ARHGAP31: variants seen among roughly 807,000 people sequenced by gnomAD.
ARHGAP31 encodes the protein Rho GTPase activating protein 31.
Under a neutral mutation model 113.9 loss-of-function variants are expected in ARHGAP31, and 34 were observed. That is an observed-to-expected ratio of 0.30 (90% CI 0.23 to 0.40). The LOEUF is 0.40. Ranked by LOEUF, ARHGAP31 falls within the 10% of genes least tolerant of loss-of-function variation. The pLI, the probability that ARHGAP31 is intolerant of heterozygous loss-of-function variation, is 1.00. For synonymous variants in ARHGAP31, 650 were observed against 684.8 expected, an observed-to-expected ratio of 0.95 and a Z score of 0.79; for missense variants, 1,548 against 1,767.1, an observed-to-expected ratio of 0.88 and a Z score of 2.22.
At chr3:119,336,240 A>C (rs1243749899) in intron 1 of ARHGAP31, among the ~76,000 whole-genome samples, 1 of 152,220 alleles carries the variant, frequency 6.6e-6, no homozygotes, top group Non-Finnish European at 1.5e-5. Context: ...TTTAACTATA[A>C]AAGGTTTTAT....
At chr3:119,397,136 T>G (rs2080559701) in intron 8 of ARHGAP31, among the ~76,000 whole-genome samples, 1 of 152,082 alleles carries the variant, frequency 6.6e-6, no homozygotes, top group Non-Finnish European at 1.5e-5. Flanking sequence ...ACATGTAATA[T>G]AAATATAGTC....
At chr3:119,304,277 G>A (rs2079611299) in intron 1 of ARHGAP31, among the ~76,000 whole-genome samples, 1 of 152,162 alleles carries the variant, frequency 6.6e-6, no homozygotes, top group African/African-American at 2.4e-5. Flanking sequence ...AATGGAATGA[G>A]GGCTGTAGAG....
intron 10 of ARHGAP31, among the ~76,000 whole-genome samples, chr3:119,403,957 A>G (rs1194939650): frequency 6.6e-6 from 1 of 152,154 alleles, no homozygotes; most frequent in Admixed American, 6.5e-5. Context: ...ATGTCCATAA[A>G]ATACCTGTCC....
chr3:119,310,152 A>T (rs1384170597), intron 1 of ARHGAP31, among the ~76,000 whole-genome samples: 1 of 152,200 alleles, frequency 6.6e-6, no homozygotes, highest in Non-Finnish European at 1.5e-5. Flanking sequence ...TCACAGGAGA[A>T]GCAGCTAGAG....
rs773793308 is a variant in ARHGAP31 at position 119,383,235 on chromosome 3, T to C, written c.682+9T>C. On this transcript the variant is annotated intron_variant, in intron 6 of 11. Coordinates refer to ENST00000264245, the MANE Select transcript of ARHGAP31 (RefSeq NM_020754.4). ...GTCTCTGGAGAATGATGGTAAGGAC[T>C]CCTCCTAGCATACACTCCACCAGCT... The C allele has an allele frequency of 6.2e-7, 1 of 1,614,030 alleles. No individual in the cohort carries two copies. Among genetic ancestry groups the C allele is most frequent in the Admixed American group, 1.7e-5 (1 of 60,022 alleles).
rs2080026780 is a variant in ARHGAP31, at chr3:119,343,377, G to A, written c.101-21939G>A. 2.0e-5 allele frequency among the ~76,000 whole-genome samples: 3 copies of A among 152,212 alleles called. No homozygotes were observed. In the South Asian group the frequency reaches 6.2e-4, roughly 32 times the overall value. ...ATTTCTCAACTGTAAAATGAGGACT[G>A]TTAAACTTGCCTTGCAAGGTTGGAT... is the stretch of plus-strand genomic sequence containing the variant. On this transcript the variant is annotated intron_variant, in intron 1 of 11. Coordinates refer to ENST00000264245, the MANE Select transcript of ARHGAP31 (RefSeq NM_020754.4).
At chr3:119,394,367 C>T (rs555006247) in intron 8 of ARHGAP31, among the ~76,000 whole-genome samples, 7 of 152,170 alleles carry the variant, frequency 4.6e-5, no homozygotes, top group South Asian at 2.1e-4. Flanking sequence ...CCCCCAGGGT[C>T]GTGATTTTTA....
chr3:119,397,629 A>G (rs1406262161), intron 8 of ARHGAP31, among the ~76,000 whole-genome samples: 3 of 152,250 alleles, frequency 2.0e-5, no homozygotes, highest in East Asian at 3.8e-4. Context: ...GGCGTCCCAC[A>G]GTGGGCCCCA....
Position 119,362,787 on chromosome 3 carries a change from G to A in ARHGAP31, c.101-2529G>A, listed in dbSNP as rs866796353. Among the ~76,000 whole-genome samples the A allele has an allele frequency of 4.7e-5, 7 of 148,890 alleles. No individual in the cohort carries two copies. The South Asian group carries it at 1.1e-3, about 24-fold the overall frequency. On this transcript the variant is annotated intron_variant, in intron 1 of 11. Coordinates refer to ENST00000264245, the MANE Select transcript of ARHGAP31 (RefSeq NM_020754.4). ...CTGTCTAAAAAAAAAAAAAAAAGGCGGGGGGTGGAGTAGAGATGAGTTTTG... is the reference window on the plus strand; with the variant it reads ...CTGTCTAAAAAAAAAAAAAAAAGGCAGGGGGTGGAGTAGAGATGAGTTTTG...
At chr3:119,343,857 C>T (rs1371623719) in intron 1 of ARHGAP31, among the ~76,000 whole-genome samples, 2 of 152,224 alleles carry the variant, frequency 1.3e-5, no homozygotes, top group African/African-American at 4.8e-5. Context: ...AAGTTTGGCT[C>T]CCTGACACAC....
intron 1 of ARHGAP31, among the ~76,000 whole-genome samples, chr3:119,339,724 CA>C (rs138989679): frequency 0.088 from 13,334 of 151,084 alleles, 757 homozygotes; most frequent in Non-Finnish European, 0.12. Context: ...ATTCCTAGGC[CA>C]AAAAAAATGA....
At chr3:119,337,942 G>A (rs542716587) in intron 1 of ARHGAP31, among the ~76,000 whole-genome samples, 1 of 152,226 alleles carries the variant, frequency 6.6e-6, no homozygotes, top group African/African-American at 2.4e-5. Context: ...TGAACATTTG[G>A]GTACAAGTTT....
At chr3:119,372,102 A>G (rs995196628) in intron 3 of ARHGAP31, among the ~76,000 whole-genome samples, 1 of 152,064 alleles carries the variant, frequency 6.6e-6, no homozygotes, top group Non-Finnish European at 1.5e-5. Context: ...AGAACAATTT[A>G]TGTTCCTTTG....
At chr3:119,404,064 G>A (rs1483898210) in intron 10 of ARHGAP31, among the ~76,000 whole-genome samples, 5 of 152,202 alleles carry the variant, frequency 3.3e-5, no homozygotes, top group Non-Finnish European at 5.9e-5. Context: ...GGGGTATCAA[G>A]TGATGCCTTG....
chr3:119,405,311 T>C lies in ARHGAP31; in HGVS notation c.1645+2914T>C, dbSNP rs75874277. On this transcript the variant is annotated intron_variant, in intron 10 of 11. Transcript: ENST00000264245. ...TACAGCGGCTCAAACAAGATAGAAGTTTATTTCTATCTTACACACAAGTCC... is the reference window on the plus strand; with the variant it reads ...TACAGCGGCTCAAACAAGATAGAAGCTTATTTCTATCTTACACACAAGTCC... Among the ~76,000 whole-genome samples the C allele has an allele frequency of 8.7e-3, 1,320 of 152,192 alleles. 23 individuals carry two copies. The highest frequency in any genetic ancestry group is 0.028 in the African/African-American group (1,161 of 41,522).
At chr3:119,399,386 A>G in intron 9 of ARHGAP31, 125 bp downstream of exon 9, 4 of 826,564 alleles carry the variant, frequency 4.8e-6, no homozygotes, top group South Asian at 1.4e-5. Context: ...CTAGTCCCAA[A>G]TCCCTCACTG....
In ARHGAP31 at chr3:119,415,150, G is replaced by C. The variant is rs376895747; in HGVS notation, c.3221G>C (p.Ser1074Thr). ...GPESSKESSP[S>T]VQDSTSPGEH... ...GAGAGCAGCAAGGAGAGTTCACCCAGCGTGCAGGACAGCACTTCGCCTGGA... is the reference window on the plus strand; with the variant it reads ...GAGAGCAGCAAGGAGAGTTCACCCACCGTGCAGGACAGCACTTCGCCTGGA... The change falls in exon 12 of 12, where the codon AGC becomes ACC. Residue 1074 changes from serine to threonine, a missense_variant. Coordinates refer to ENST00000264245, the MANE Select transcript of ARHGAP31 (RefSeq NM_020754.4). 41 of 1,614,100 alleles carry C rather than the reference G, an allele frequency of 2.5e-5. No individual in the cohort carries two copies. Among genetic ancestry groups the C allele is most frequent in the Non-Finnish European group, 3.4e-5 (40 of 1,180,044 alleles).
intron 1 of ARHGAP31, among the ~76,000 whole-genome samples, chr3:119,321,851 C>A (rs1470180226): frequency 6.6e-6 from 1 of 152,188 alleles, no homozygotes; most frequent in Non-Finnish European, 1.5e-5. Flanking sequence ...CGGGGTTTCG[C>A]CATGTTGGCC....
At chr3:119,297,909 AACACACACACACACACAC>A (rs10575145) in intron 1 of ARHGAP31, among the ~76,000 whole-genome samples, 1,482 of 142,780 alleles carry the variant, frequency 0.01, 18 homozygotes, top group African/African-American at 0.035. Context: ...TTTCCTTAGA[AACACACACACACACACAC>A]ACACACACAC....
Sources: allele counts gnomAD v4.1 joint callset (sites outside exome capture counted in the v4.1 genomes callset), GRCh38; gene constraint gnomAD v4.1.1; transcripts MANE v1.5; gene names NCBI Gene and HGNC (gene_info 2026-07-23, HGNC 2026-07-21).